Variants in PDCD2L observed in about 807,000 individuals in gnomAD.
PDCD2L encodes the protein programmed cell death 2 like.
A neutral mutation model predicts 40.4 loss-of-function variants in PDCD2L; 44 were observed. The observed-to-expected ratio is 1.09, with a 90% CI of 0.86 to 1.40. The LOEUF (loss-of-function observed/expected upper bound fraction) is 1.40. PDCD2L is among the 40% of genes most tolerant of loss of function. The probability of loss-of-function intolerance (pLI) is 0.00; values close to 1 mark genes in which losing one functional copy is unlikely to be tolerated. For missense variants in PDCD2L, 470 were observed against 453.7 expected (o/e 1.04, Z -0.33); for synonymous variants, 194 against 174.6 (o/e 1.11, Z -0.88).
In PDCD2L at chr19:34,419,351, C is replaced by T. The variant is rs555981866; in HGVS notation, c.798-2168C>T. On this transcript the variant is annotated intron_variant, in intron 5 of 6. Transcript: ENST00000246535. ...AATTTTTTGTAGTAGAGACAGGTTTCGCTATGTTGGCCAGGCTGGTATCAA... is the reference window on the plus strand; with the variant it reads ...AATTTTTTGTAGTAGAGACAGGTTTTGCTATGTTGGCCAGGCTGGTATCAA... Among the ~76,000 whole-genome samples the T allele has an allele frequency of 6.8e-4, 103 of 152,082 alleles. 1 individual carries two copies. Among genetic ancestry groups the T allele is most frequent in the Middle Eastern group, 3.4e-3 (1 of 292 alleles).
intron 3 of PDCD2L, among the ~76,000 whole-genome samples, chr19:34,407,385 C>G (rs532379051): frequency 2.0e-5 from 3 of 151,962 alleles, no homozygotes; most frequent in Non-Finnish European, 2.9e-5. Context: ...GTGATCCACC[C>G]GCCTTGGCTT....
chr19:34,409,049 G>T (rs1184231365), intron 3 of PDCD2L, 112 bp from the exon 4 acceptor site: 21 of 864,338 alleles, frequency 2.4e-5, no homozygotes. Context: ...AGAGGGGAAG[G>T]GGATGGTGTG....
At chr19:34,420,134 G>A (rs2075143873) in intron 5 of PDCD2L, among the ~76,000 whole-genome samples, 1 of 151,838 alleles carries the variant, frequency 6.6e-6, no homozygotes. Context: ...GGGATTACAG[G>A]CACCTGCCAC....
chr19:34,419,445 G>A (rs1276405555), intron 5 of PDCD2L, among the ~76,000 whole-genome samples: 2 of 151,622 alleles, frequency 1.3e-5, no homozygotes, highest in South Asian at 2.1e-4. Context: ...ATGAGCCACC[G>A]CACCCCACCA....
chr19:34,422,741 A>G (rs1387104792), intron 6 of PDCD2L, among the ~76,000 whole-genome samples: 1 of 150,370 alleles, frequency 6.7e-6, no homozygotes, highest in Non-Finnish European at 1.5e-5. Context: ...CTTGAGACGG[A>G]GTCTTGCTCT....
chr19:34,409,035 T>C, intron 3 of PDCD2L, 126 bp from the exon 4 acceptor site: 1 of 767,358 alleles, frequency 1.3e-6, no homozygotes, highest in South Asian at 1.8e-5. Flanking sequence ...GATTGGAGTG[T>C]ACCAGAGGGG....
intron 6 of PDCD2L, among the ~76,000 whole-genome samples, chr19:34,423,563 C>T (rs951041437): frequency 4.2e-5 from 6 of 142,234 alleles, no homozygotes; most frequent in East Asian, 2.1e-4. Context: ...GGCACTATCT[C>T]GGCTCATTGC....
chr19:34,404,990 G>A lies in PDCD2L; in HGVS notation c.336G>A (p.Gln112=), dbSNP rs904971179. The change falls in exon 3 of 7, where the codon CAG becomes CAA. Residue 112 remains glutamine, a splice_region_variant and synonymous_variant. Transcript: ENST00000246535. ...QVPEREAQDA[Q]KQGNSLAAED... ...CAGAGAGAGAGGCGCAGGACGCTCA[G>A]GTAAAGGTTGTGATTGGCATGTTAT... 6.2e-7 allele frequency: 1 copy of A among 1,614,142 alleles called. No homozygotes were observed. Among genetic ancestry groups the A allele is most frequent in the Non-Finnish European group, 8.5e-7 (1 of 1,180,012 alleles).
intron 6 of PDCD2L, among the ~76,000 whole-genome samples, chr19:34,423,310 G>T (rs971659348): frequency 4.0e-5 from 6 of 151,516 alleles, no homozygotes; most frequent in Non-Finnish European, 8.8e-5. Flanking sequence ...AGCCTCCTGA[G>T]TAGCTGGGAT....
At chr19:34,413,655 G>A (rs1011670317) in intron 4 of PDCD2L, 82 bp from the exon 5 acceptor site, 4 of 928,314 alleles carry the variant, frequency 4.3e-6, no homozygotes, top group Non-Finnish European at 6.6e-6. Flanking sequence ...TTTTTTAAAA[G>A]AAAATTATCT....
intron 5 of PDCD2L, among the ~76,000 whole-genome samples, chr19:34,417,714 AAG>A (rs1263561947): frequency 2.0e-5 from 3 of 152,232 alleles, no homozygotes; most frequent in Admixed American, 6.5e-5. Flanking sequence ...GCAGAAGAAA[AAG>A]AGAAAGCATT....
At chr19:34,419,499 CT>C (rs10706238) in intron 5 of PDCD2L, among the ~76,000 whole-genome samples, 131,473 of 143,376 alleles carry the variant, frequency 0.92, 60,318 homozygotes, top group African/African-American at 0.95. Context: ...CCTCCATTTC[CT>C]TTTTTTTTTT....
At chr19:34,406,413 T>C (rs1225267114) in intron 3 of PDCD2L, among the ~76,000 whole-genome samples, 1 of 149,934 alleles carries the variant, frequency 6.7e-6, no homozygotes, top group Non-Finnish European at 1.5e-5. Context: ...TGAGACGGAG[T>C]CTTGCTCTGT....
rs763543143 is a variant in PDCD2L at position 34,404,718 on chromosome 19, G to C, written c.178G>C (p.Val60Leu). ...QRCGQPLALVVQVYCPLEGSP... is the reference protein window; with the variant it reads ...QRCGQPLALVLQVYCPLEGSP... Reference sequence around the variant, plus strand: ...CTGCGGGCAGCCGCTCGCTCTGGTCGTGCAGGTGTATTGCCCGCTGGAAGG... The same window carrying C: ...CTGCGGGCAGCCGCTCGCTCTGGTCCTGCAGGTGTATTGCCCGCTGGAAGG... Residue 60 changes from valine to leucine, a missense_variant, in exon 2 of 7, where the codon GTG becomes CTG. By Grantham distance (32) the Val-to-Leu change is conservative (BLOSUM62 1). Coordinates refer to ENST00000246535, the MANE Select transcript of PDCD2L (RefSeq NM_032346.2). 1.9e-6 allele frequency: 3 copies of C among 1,612,376 alleles called. No individual in the cohort carries two copies. The highest frequency in any genetic ancestry group is 2.5e-6 in the Non-Finnish European group (3 of 1,179,850).
intron 5 of PDCD2L, among the ~76,000 whole-genome samples, 162 bp downstream of exon 5, chr19:34,414,009 A>G (rs991154391): frequency 2.6e-5 from 4 of 152,164 alleles, no homozygotes. Flanking sequence ...CCTACTTTAT[A>G]GGATGTGTAG....
At chr19:34,424,452 C>T (rs1249640714) in intron 6 of PDCD2L, among the ~76,000 whole-genome samples, 5 of 152,198 alleles carry the variant, frequency 3.3e-5, no homozygotes, top group South Asian at 2.1e-4. Context: ...AGAGCAAGAA[C>T]GAAAGGAAGT....
intron 3 of PDCD2L, among the ~76,000 whole-genome samples, chr19:34,408,681 C>T (rs111352332): frequency 4.3e-4 from 66 of 152,288 alleles, no homozygotes; most frequent in Non-Finnish European, 8.5e-4. Flanking sequence ...TCTTTGCCAC[C>T]GAACCGTTGG....
chr19:34,424,997 C>T (rs1241993394), intron 6 of PDCD2L, among the ~76,000 whole-genome samples: 2 of 152,090 alleles, frequency 1.3e-5, no homozygotes, highest in Admixed American at 6.6e-5. Flanking sequence ...CCATATACCA[C>T]AGCCTCCCAA....
intron 6 of PDCD2L, among the ~76,000 whole-genome samples, chr19:34,424,307 G>A (rs1038447182): frequency 1.3e-5 from 2 of 152,098 alleles, no homozygotes; most frequent in African/African-American, 4.8e-5. Flanking sequence ...ACTGTTAGCA[G>A]CGGTGAATCT....
Sources: gnomAD v4.1 joint callset for allele counts (sites outside exome capture counted in the v4.1 genomes callset) on GRCh38, gnomAD v4.1.1 for gene constraint, MANE v1.5 for transcripts, NCBI Gene and HGNC (gene_info 2026-07-23, HGNC 2026-07-21) for gene names.